The following NFATC2 variants were observed in gnomAD, a reference collection of about 807,000 sequenced individuals.
NFATC2 encodes nuclear factor of activated T-cells, cytoplasmic 2.
A neutral mutation model predicts 87.3 loss-of-function variants in NFATC2; 22 were observed. The observed-to-expected ratio is 0.25, with a 90% CI of 0.18 to 0.36. The LOEUF is 0.36. Ranked by LOEUF, NFATC2 falls within the 10% of genes least tolerant of loss-of-function variation. The pLI is 1.00. For synonymous variants in NFATC2, 565 were observed against 542.2 expected, an observed-to-expected ratio of 1.04 and a Z score of -0.58; for missense variants, 1,149 against 1,259.1, an observed-to-expected ratio of 0.91 and a Z score of 1.32.
chr20:51,439,238 C>T (rs1347141770), intron 6 of NFATC2, among the ~76,000 whole-genome samples: 2 of 152,180 alleles, frequency 1.3e-5, no homozygotes, highest in African/African-American at 4.8e-5. Context: ...TGCCTGGCAT[C>T]ACTCTAAGCA....
Position 51,488,334 on chromosome 20 carries a change from T to C in NFATC2, c.1333-12674A>G, listed in dbSNP as rs114750473. Among the ~76,000 whole-genome samples the C allele has an allele frequency of 1.1e-4, 17 of 152,290 alleles. 1 individual carries two copies. The highest frequency in any genetic ancestry group is 4.1e-4 in the African/African-American group (17 of 41,560). On this transcript the variant is annotated intron_variant, in intron 3 of 10. Transcript: ENST00000371564. ...GACATTGGAGTAAGAAACCAGTAAA[T>C]CAGGATTTCTCAACCTTCGCACTAT...
At chr20:51,542,309 A>G (rs1285285370) in intron 1 of NFATC2, 61 bp downstream of exon 1, 1 of 1,553,606 alleles carries the variant, frequency 6.4e-7, no homozygotes, top group Admixed American at 2.1e-5. Context: ...TCCTGTGCCC[A>G]GTCCCCAGGC....
chr20:51,439,180 C>T (rs1267296062), intron 6 of NFATC2, among the ~76,000 whole-genome samples: 3 of 152,230 alleles, frequency 2.0e-5, no homozygotes, highest in Admixed American at 2.0e-4. Flanking sequence ...TCATTCCTGC[C>T]TCTCCAGGCA....
rs1600720067 is a variant in NFATC2 at position 51,432,831 on chromosome 20, T to G, written c.2033-75A>C. 1 of 1,347,842 alleles carries G rather than the reference T, an allele frequency of 7.4e-7. No individual in the cohort carries two copies. The highest frequency in any genetic ancestry group is 1.5e-5 in the South Asian group (1 of 65,272). The allele number at this position is 1,347,842 out of a possible 1,614,324, so 83.5% of individuals were successfully genotyped here. Reference sequence around the variant, plus strand: ...ATGTGCACGGAGGATTCGTGGATGGTGCTTGAGAACATGGCCTTGGGAGTC... The same window carrying G: ...ATGTGCACGGAGGATTCGTGGATGGGGCTTGAGAACATGGCCTTGGGAGTC... On this transcript the variant is annotated intron_variant, in intron 8 of 10. Coordinates refer to ENST00000371564, the MANE Select transcript of NFATC2 (RefSeq NM_012340.5). The surrounding 1 kb of genome is among the most constrained non-coding windows in gnomAD (Gnocchi z 4.6).
chr20:51,544,319 G>A (rs1207625910), upstream of NFATC2, among the ~76,000 whole-genome samples: 2 of 152,018 alleles, frequency 1.3e-5, no homozygotes, highest in Non-Finnish European at 2.9e-5. Flanking sequence ...ATGAATCTAA[G>A]GTGCAGCCAG....
intron 3 of NFATC2, among the ~76,000 whole-genome samples, chr20:51,489,248 G>A (rs1056201837): frequency 2.0e-5 from 3 of 147,182 alleles, no homozygotes; most frequent in African/African-American, 8.1e-5. Context: ...TCACCAAGAT[G>A]GTGAGGGGGG....
chr20:51,482,259 C>T (rs1158745906), intron 3 of NFATC2, among the ~76,000 whole-genome samples: 1 of 152,150 alleles, frequency 6.6e-6, no homozygotes, highest in African/African-American at 2.4e-5. Flanking sequence ...GTTATTCAGA[C>T]TCACCCCTGC....
chr20:51,391,470 G>GT lies in NFATC2; in HGVS notation c.*45-20_*45-19insA, dbSNP rs71192523. The GT allele has an allele frequency of 8.1e-5, 110 of 1,362,242 alleles. 1 individual carries two copies. Among genetic ancestry groups the GT allele is most frequent in the Admixed American group, 4.2e-4 (20 of 47,460 alleles). 84.4% of individuals were successfully genotyped at this position (1,362,242 alleles called of 1,614,324 possible). On this transcript the variant is annotated intron_variant, in intron 10 of 10. Coordinates refer to ENST00000371564, the MANE Select transcript of NFATC2 (RefSeq NM_012340.5). ...TCATTAACTACAAAAGAAAAGAGGAGGGGGGGGGAGAGAGAATGGGGCAAG... is the reference window on the plus strand; with the variant it reads ...TCATTAACTACAAAAGAAAAGAGGAGTGGGGGGGGAGAGAGAATGGGGCAAG...
chr20:51,431,942 A>C, intron 9 of NFATC2, 125 bp downstream of exon 9: 9 of 1,044,994 alleles, frequency 8.6e-6, no homozygotes, highest in Non-Finnish European at 4.0e-6. Flanking sequence ...AACCTCCTTA[A>C]ATTAAAATGG....
chr20:51,391,460 G>T lies in NFATC2; in HGVS notation c.*45-9C>A. ...CCTGATAATTTCATTAACTACAAAA[G>T]AAAAGAGGAGGGGGGGGGAGAGAGA... On this transcript the variant is annotated splice_polypyrimidine_tract_variant and intron_variant, in intron 10 of 10. Coordinates refer to ENST00000371564, the MANE Select transcript of NFATC2 (RefSeq NM_012340.5). The T allele has an allele frequency of 5.3e-5, 36 of 681,500 alleles. No individual in the cohort carries two copies. Among genetic ancestry groups the T allele is most frequent in the Non-Finnish European group, 7.7e-5 (33 of 428,676 alleles). 42.2% of individuals were successfully genotyped at this position (681,500 alleles called of 1,614,324 possible).
intron 6 of NFATC2, among the ~76,000 whole-genome samples, chr20:51,453,213 C>G (rs1986014563): frequency 1.3e-5 from 2 of 152,262 alleles, no homozygotes; most frequent in Admixed American, 6.5e-5. Context: ...CATGTCCAGC[C>G]CATCCCAGAA....
intron 6 of NFATC2, among the ~76,000 whole-genome samples, chr20:51,453,795 C>T (rs1986083964): frequency 6.6e-6 from 1 of 152,188 alleles, no homozygotes; most frequent in Non-Finnish European, 1.5e-5. Context: ...GGGGGTGAAA[C>T]TATGACTGAC....
intron 8 of NFATC2, among the ~76,000 whole-genome samples, chr20:51,434,203 G>A (rs929328961): frequency 3.6e-5 from 2 of 55,068 alleles, no homozygotes; most frequent in African/African-American, 2.8e-4. Context: ...AGGCTGCCAG[G>A]GCAGTCAAGC....
intron 9 of NFATC2, among the ~76,000 whole-genome samples, chr20:51,422,101 T>C (rs147278855): frequency 1.1e-4 from 17 of 152,320 alleles, no homozygotes; most frequent in African/African-American, 3.8e-4. Context: ...TTTCCTGGGA[T>C]AGTGGAACTA....
intron 6 of NFATC2, among the ~76,000 whole-genome samples, chr20:51,446,375 C>T (rs946235847): frequency 2.1e-4 from 32 of 151,990 alleles, no homozygotes; most frequent in African/African-American, 7.8e-4. Flanking sequence ...CCTTGATCTC[C>T]TTCTATTGCT....
chr20:51,469,195 T>C (rs1987972061), intron 5 of NFATC2, among the ~76,000 whole-genome samples: 1 of 151,998 alleles, frequency 6.6e-6, no homozygotes, highest in Admixed American at 6.5e-5. Flanking sequence ...GCTAATTGTT[T>C]TTGTAGAGAT....
intron 10 of NFATC2, among the ~76,000 whole-genome samples, chr20:51,397,523 C>T (rs763802495): frequency 1.5e-4 from 23 of 152,304 alleles, no homozygotes; most frequent in African/African-American, 2.2e-4. Flanking sequence ...CATCGCCCTT[C>T]GACAAGTTCC....
chr20:51,406,726 G>T (rs1978370825), intron 9 of NFATC2, among the ~76,000 whole-genome samples: 1 of 152,144 alleles, frequency 6.6e-6, no homozygotes, highest in South Asian at 2.1e-4. Flanking sequence ...TTGGGGCCTG[G>T]GGGCATCTGC....
chr20:51,498,101 C>T (rs970090840), intron 3 of NFATC2, among the ~76,000 whole-genome samples: 20 of 152,322 alleles, frequency 1.3e-4, no homozygotes, highest in Non-Finnish European at 2.6e-4. Context: ...GCCACAGACA[C>T]GAGGGGCCGG....
Sources: gnomAD v4.1 joint callset for allele counts (sites outside exome capture counted in the v4.1 genomes callset) on GRCh38, gnomAD v4.1.1 for gene constraint, Gnocchi (gnomAD v3.1) non-coding constraint, MANE v1.5 for transcripts, NCBI Gene and HGNC (gene_info 2026-07-23, HGNC 2026-07-21) for gene names.